HDHD2: variants seen among roughly 807,000 people sequenced by gnomAD.
HDHD2 encodes haloacid dehalogenase like hydrolase domain containing 2, also known as haloacid dehalogenase-like hydrolase domain-containing protein 2.
A neutral mutation model predicts 24.8 loss-of-function variants in HDHD2; 26 were observed. The observed-to-expected ratio is 1.05, with a 90% CI of 0.77 to 1.45. The LOEUF is 1.45. Ranked by LOEUF, HDHD2 falls within the 40% of genes most tolerant of loss-of-function variation. The probability of loss-of-function intolerance (pLI) is 0.00; values close to 1 mark genes in which losing one functional copy is unlikely to be tolerated. For synonymous variants in HDHD2, 128 were observed against 114.9 expected (o/e 1.11, Z -0.73); for missense variants, 299 against 313.4 (o/e 0.95, Z 0.35).
In HDHD2 at chr18:47,107,509, C is replaced by T. The variant is rs754833182; in HGVS notation, c.*1173G>A. ...CGAAGCTCATTAACATCAGAGTGAGCTTCAATAAGGTGAACACTACAATGA... is the reference window on the plus strand; with the variant it reads ...CGAAGCTCATTAACATCAGAGTGAGTTTCAATAAGGTGAACACTACAATGA... On this transcript the variant is annotated 3_prime_UTR_variant, in exon 7 of 7. Coordinates refer to ENST00000300605, the MANE Select transcript of HDHD2 (RefSeq NM_032124.5). The T allele has an allele frequency of 1.3e-5, 2 of 152,574 alleles. No individual in the cohort carries two copies. Among genetic ancestry groups the T allele is most frequent in the Admixed American group, 6.5e-5 (1 of 15,282 alleles). 9.5% of individuals were successfully genotyped at this position (152,574 alleles called of 1,614,324 possible).
chr18:47,147,487 A>C (rs1054237202), intron 1 of HDHD2, among the ~76,000 whole-genome samples: 4 of 152,256 alleles, frequency 2.6e-5, no homozygotes, highest in Non-Finnish European at 4.4e-5. Context: ...AGTACACTAC[A>C]AAAGAATGGA....
intron 6 of HDHD2, chr18:47,110,986 T>A: frequency 1.0e-6 from 1 of 985,110 alleles, no homozygotes; most frequent in Non-Finnish European, 1.2e-6. Context: ...ATTAAAATAT[T>A]TACGGTTATT....
intron 1 of HDHD2, among the ~76,000 whole-genome samples, chr18:47,142,836 C>A (rs1379581182): frequency 6.6e-6 from 1 of 152,142 alleles, no homozygotes; most frequent in African/African-American, 2.4e-5. Flanking sequence ...ATAGATATTA[C>A]CTTCTCTTGA....
chr18:47,150,173 C>A (rs1353026524), intron 1 of HDHD2: 1 of 152,376 alleles, frequency 6.6e-6, no homozygotes, highest in Non-Finnish European at 1.5e-5. Context: ...TCGCGCCCAG[C>A]TATGCGCACG....
chr18:47,126,543 G>A (rs1344982614), intron 4 of HDHD2, among the ~76,000 whole-genome samples: 1 of 151,984 alleles, frequency 6.6e-6, no homozygotes, highest in African/African-American at 2.4e-5. Context: ...AAACTCTACA[G>A]CAATTATGGG....
intron 6 of HDHD2, chr18:47,109,535 T>C (rs2063499181): frequency 6.6e-6 from 1 of 152,224 alleles, no homozygotes. Flanking sequence ...GAATCCAAAA[T>C]CTCTACTGCT....
chr18:47,112,232 A>G (rs2063521401), intron 6 of HDHD2, among the ~76,000 whole-genome samples: 1 of 152,156 alleles, frequency 6.6e-6, no homozygotes. Flanking sequence ...CCCACTCTAC[A>G]CAGGATCATA....
At chr18:47,147,072 T>C (rs928979771) in intron 1 of HDHD2, among the ~76,000 whole-genome samples, 2 of 152,230 alleles carry the variant, frequency 1.3e-5, no homozygotes, top group Non-Finnish European at 2.9e-5. Context: ...TTTTTTCTCA[T>C]ACATTTAATA....
intron 1 of HDHD2, among the ~76,000 whole-genome samples, chr18:47,148,792 A>G (rs1018164218): frequency 1.3e-5 from 2 of 152,190 alleles, no homozygotes; most frequent in African/African-American, 4.8e-5. Context: ...AGACTATTTA[A>G]ACAACTTCTT....
Position 47,147,598 on chromosome 18 carries a change from G to A in HDHD2, c.-11+2780C>T, listed in dbSNP as rs142777753. 1.1e-4 allele frequency among the ~76,000 whole-genome samples: 16 copies of A among 152,214 alleles called. No individual in the cohort carries two copies. In the East Asian group the frequency reaches 1.2e-3, roughly 11 times the overall value. ...AGATATCTAATATTCAAGAAGAAACGTTACCTCTGAAGGTGATTAAAGAAC... is the reference window on the plus strand; with the variant it reads ...AGATATCTAATATTCAAGAAGAAACATTACCTCTGAAGGTGATTAAAGAAC... On this transcript the variant is annotated intron_variant, in intron 1 of 6. Coordinates refer to ENST00000300605, the MANE Select transcript of HDHD2 (RefSeq NM_032124.5).
chr18:47,149,183 A>G (rs991517633), intron 1 of HDHD2: 1 of 152,204 alleles, frequency 6.6e-6, no homozygotes, highest in Admixed American at 6.5e-5. Flanking sequence ...CACATGATGC[A>G]AAGTTCTAAA....
chr18:47,124,498 G>C (rs2144318722), intron 4 of HDHD2, among the ~76,000 whole-genome samples: 1 of 152,024 alleles, frequency 6.6e-6, no homozygotes, highest in East Asian at 1.9e-4. Flanking sequence ...CCTGAGGTCG[G>C]GAGTTCGAGA....
At chr18:47,146,079 A>G (rs2063866721) in intron 1 of HDHD2, among the ~76,000 whole-genome samples, 1 of 152,010 alleles carries the variant, frequency 6.6e-6, no homozygotes, top group Non-Finnish European at 1.5e-5. Flanking sequence ...AAATACCAAA[A>G]TTAGCTGGGC....
At chr18:47,110,482 C>A in intron 6 of HDHD2, 1 of 984,892 alleles carries the variant, frequency 1.0e-6, no homozygotes. Flanking sequence ...TACTATATGA[C>A]CTACTTTCTG....
At chr18:47,110,476 A>G (rs2063506765) in intron 6 of HDHD2, 1 of 984,746 alleles carries the variant, frequency 1.0e-6, no homozygotes. Context: ...AAATATTACT[A>G]TATGACCTAC....
intron 4 of HDHD2, 40 bp from the exon 5 acceptor site, chr18:47,115,388 G>A (rs1221032948): frequency 2.0e-6 from 3 of 1,493,434 alleles, no homozygotes; most frequent in African/African-American, 2.8e-5. Context: ...TTGGCTAAAA[G>A]CAAGGCTTTT....
At chr18:47,131,230 G>A (rs2063710754) in intron 3 of HDHD2, among the ~76,000 whole-genome samples, 1 of 152,146 alleles carries the variant, frequency 6.6e-6, no homozygotes, top group Non-Finnish European at 1.5e-5. Context: ...ACCCGCCTCA[G>A]CCTCCCAAAG....
intron 5 of HDHD2, among the ~76,000 whole-genome samples, chr18:47,113,277 A>G (rs1047655478): frequency 2.4e-4 from 36 of 152,250 alleles, no homozygotes; most frequent in African/African-American, 8.2e-4. Context: ...AATCCTGGTA[A>G]CCAAACACAG....
At chr18:47,145,641 A>C (rs892783308) in intron 1 of HDHD2, among the ~76,000 whole-genome samples, 8 of 152,226 alleles carry the variant, frequency 5.3e-5, no homozygotes, top group Non-Finnish European at 1.2e-4. Flanking sequence ...GAGATTAAAC[A>C]ACCACATGTT....
Sources: allele counts gnomAD v4.1 joint callset (sites outside exome capture counted in the v4.1 genomes callset), GRCh38; gene constraint gnomAD v4.1.1; transcripts MANE v1.5; gene names NCBI Gene and HGNC (gene_info 2026-07-23, HGNC 2026-07-21).